Variants in FSTL5 observed in about 807,000 individuals in gnomAD.
FSTL5 encodes the protein follistatin like 5.
Under a neutral mutation model 89.1 loss-of-function variants are expected in FSTL5, and 62 were observed. The observed-to-expected ratio is 0.70, with a 90% CI of 0.57 to 0.86. The LOEUF (loss-of-function observed/expected upper bound fraction) is 0.86. FSTL5 is among the 40% of genes least tolerant of loss of function. The probability of loss-of-function intolerance (pLI) is 0.00; values close to 1 mark genes in which losing one functional copy is unlikely to be tolerated. For synonymous variants in FSTL5, 383 were observed against 346.2 expected, an observed-to-expected ratio of 1.11 and a Z score of -1.18; for missense variants, 1,057 against 1,001.6, an observed-to-expected ratio of 1.06 and a Z score of -0.75.
At chr4:161,669,672 A>T (rs546755629) in intron 6 of FSTL5, among the ~76,000 whole-genome samples, 9 of 152,308 alleles carry the variant, frequency 5.9e-5, no homozygotes, top group Admixed American at 5.2e-4. Context: ...AATATAAAAC[A>T]AAAAACTATA....
At chr4:161,456,245 T>A (rs2126403555) in intron 14 of FSTL5, among the ~76,000 whole-genome samples, 1 of 152,328 alleles carries the variant, frequency 6.6e-6, no homozygotes, top group Middle Eastern at 3.4e-3. Flanking sequence ...ATTATAATTT[T>A]TAAGGCAGTA....
At chr4:161,669,839 C>A (rs770847289) in intron 6 of FSTL5, among the ~76,000 whole-genome samples, 1 of 151,848 alleles carries the variant, frequency 6.6e-6, no homozygotes, top group Non-Finnish European at 1.5e-5. Context: ...TAAGATAGAT[C>A]ATAAGGTGTT....
intron 3 of FSTL5, among the ~76,000 whole-genome samples, chr4:161,978,839 T>C (rs959497850): frequency 6.6e-6 from 1 of 152,120 alleles, no homozygotes; most frequent in African/African-American, 2.4e-5. Flanking sequence ...AAGATTACTA[T>C]AGAAGTGATA....
chr4:161,458,991 C>A (rs564659609), intron 14 of FSTL5, among the ~76,000 whole-genome samples: 428 of 152,202 alleles, frequency 2.8e-3, no homozygotes, highest in Non-Finnish European at 4.8e-3. Flanking sequence ...TTATTCTTTT[C>A]GCATATAAAT....
intron 1 of FSTL5, among the ~76,000 whole-genome samples, chr4:162,153,723 T>C (rs1271396452): frequency 5.0e-5 from 4 of 80,644 alleles, no homozygotes; most frequent in African/African-American, 1.5e-4. Flanking sequence ...TATATAATAA[T>C]ATATGTATAT....
intron 3 of FSTL5, among the ~76,000 whole-genome samples, chr4:161,975,866 A>G (rs1342020469): frequency 6.6e-6 from 1 of 151,554 alleles, no homozygotes; most frequent in South Asian, 2.1e-4. Flanking sequence ...CTGTAATCCC[A>G]GCACTTTGGG....
intron 4 of FSTL5, among the ~76,000 whole-genome samples, chr4:161,862,636 G>T (rs971604808): frequency 6.6e-6 from 1 of 152,104 alleles, no homozygotes; most frequent in African/African-American, 2.4e-5. Flanking sequence ...TGAGGCTGAG[G>T]CAGGAGAATC....
chr4:161,691,149 GT>G (rs927983670), intron 6 of FSTL5, among the ~76,000 whole-genome samples: 20 of 149,868 alleles, frequency 1.3e-4, no homozygotes, highest in Admixed American at 8.0e-4. Context: ...ATTTGCCCCT[GT>G]TTTTTTTTCT....
chr4:161,906,929 A>G (rs543818847), intron 4 of FSTL5, among the ~76,000 whole-genome samples: 1 of 152,260 alleles, frequency 6.6e-6, no homozygotes, highest in African/African-American at 2.4e-5. Flanking sequence ...CAGCAGTAAC[A>G]AATTTATACG....
chr4:162,155,164 T>C (rs1398699546), intron 1 of FSTL5, among the ~76,000 whole-genome samples: 2 of 152,112 alleles, frequency 1.3e-5, no homozygotes, highest in Non-Finnish European at 2.9e-5. Context: ...TCACATTATA[T>C]GGCAAAAAGG....
intron 11 of FSTL5, among the ~76,000 whole-genome samples, chr4:161,501,577 A>G (rs1345604326): frequency 6.6e-6 from 1 of 152,038 alleles, no homozygotes; most frequent in Non-Finnish European, 1.5e-5. Flanking sequence ...TGTTTGATAC[A>G]TCTTATTATT....
chr4:161,663,277 C>T (rs1209486432), intron 6 of FSTL5, among the ~76,000 whole-genome samples: 2 of 152,160 alleles, frequency 1.3e-5, no homozygotes, highest in Non-Finnish European at 2.9e-5. Flanking sequence ...CAAAAGTCCA[C>T]AGTCCAAAGT....
At chr4:161,816,022 C>T (rs1229758274) in intron 4 of FSTL5, among the ~76,000 whole-genome samples, 1 of 152,144 alleles carries the variant, frequency 6.6e-6, no homozygotes, top group Non-Finnish European at 1.5e-5. Context: ...CAGTTAACTA[C>T]ACAGAACATT....
At chr4:161,899,377 G>C (rs80177494) in intron 4 of FSTL5, among the ~76,000 whole-genome samples, 7,081 of 152,212 alleles carry the variant, frequency 0.047, 212 homozygotes, top group Non-Finnish European at 0.07. Flanking sequence ...CTCTACCCTT[G>C]TCATTTTAAT....
intron 3 of FSTL5, among the ~76,000 whole-genome samples, chr4:161,967,176 G>A (rs1394499108): frequency 6.6e-6 from 1 of 151,770 alleles, no homozygotes; most frequent in African/African-American, 2.4e-5. Flanking sequence ...GTTTACCTGA[G>A]ATAGTCACCT....
intron 7 of FSTL5, among the ~76,000 whole-genome samples, chr4:161,637,703 C>G (rs1735774874): frequency 8.6e-6 from 1 of 116,602 alleles, no homozygotes; most frequent in Non-Finnish European, 1.7e-5. Flanking sequence ...TTTCCCAGCA[C>G]CATTTATTAA....
chr4:161,565,834 G>T (rs1442991004), intron 8 of FSTL5, among the ~76,000 whole-genome samples: 1 of 146,850 alleles, frequency 6.8e-6, no homozygotes, highest in Non-Finnish European at 1.5e-5. Flanking sequence ...CACTTAGATT[G>T]GTTCCATATC....
At chr4:161,401,310 A>G (rs1011811686) in intron 15 of FSTL5, among the ~76,000 whole-genome samples, 7 of 152,192 alleles carry the variant, frequency 4.6e-5, no homozygotes, top group African/African-American at 1.7e-4. Flanking sequence ...GAGAAATTTT[A>G]TGAGGAAGAA....
Position 161,941,602 on chromosome 4 carries a change from A to G in FSTL5, c.161-20950T>C, listed in dbSNP as rs983249030. Among the ~76,000 whole-genome samples, 11 of 152,090 alleles carry G rather than the reference A, an allele frequency of 7.2e-5. 1 individual carries two copies. The highest frequency in any genetic ancestry group is 4.1e-4 in the South Asian group (2 of 4,828). On this transcript the variant is annotated intron_variant, in intron 3 of 15. Coordinates refer to ENST00000306100, the MANE Select transcript of FSTL5 (RefSeq NM_020116.5). The stretch of plus-strand genomic sequence containing the variant: ...GATCAATTCACCAAGAAGACATAAT[A>G]CTTACAAACATATATGCACCAAATC...
Sources: allele counts gnomAD v4.1 joint callset (sites outside exome capture counted in the v4.1 genomes callset), GRCh38; gene constraint gnomAD v4.1.1; transcripts MANE v1.5; gene names NCBI Gene and HGNC (gene_info 2026-07-23, HGNC 2026-07-21).